Variants in ANKRD11 observed in about 807,000 individuals in gnomAD.
ANKRD11 encodes ankyrin repeat domain 11, also known as ankyrin repeat domain-containing protein 11.
Under a neutral mutation model 195.7 loss-of-function variants are expected in ANKRD11, and 17 were observed. That is an observed-to-expected ratio of 0.09 (90% CI 0.06 to 0.13). The LOEUF (loss-of-function observed/expected upper bound fraction) is 0.13, where lower values mean the gene tolerates loss of function less well. Among genes scored for constraint, ANKRD11 ranks in the 10% least tolerant of loss-of-function variants. The pLI, the probability that ANKRD11 is intolerant of heterozygous loss-of-function variation, is 1.00. For missense variants in ANKRD11, 3,735 were observed against 3,566.1 expected, an observed-to-expected ratio of 1.05 and a Z score of -1.21; for synonymous variants, 1,953 against 1,528.1, an observed-to-expected ratio of 1.28 and a Z score of -6.49.
rs1170819965 is a variant in ANKRD11 at position 89,268,682 on chromosome 16, G to A, written c.7807-19C>T. The A allele has an allele frequency of 1.3e-6, 2 of 1,571,080 alleles. No homozygotes were observed. The highest frequency in any genetic ancestry group is 1.9e-5 in the Admixed American group (1 of 52,360). On this transcript the variant is annotated intron_variant, in intron 12 of 12. Coordinates refer to ENST00000301030, the MANE Select transcript of ANKRD11 (RefSeq NM_013275.6). ...GGCAAGTCTGCGGGACACACAGCGG[G>A]GAGAGGAGGGAGGAGGAGTGAAGGG...
At chr16:89,488,551 A>G (rs1280272887) in intron 1 of ANKRD11, among the ~76,000 whole-genome samples, 1 of 151,972 alleles carries the variant, frequency 6.6e-6, no homozygotes, top group Non-Finnish European at 1.5e-5. Flanking sequence ...AATACTTACT[A>G]AGAGAAATCA....
At position 89,279,715 on chromosome 16, in the gene ANKRD11, G is replaced by A. The variant is rs573355746; in HGVS notation, c.6827C>T (p.Pro2276Leu). The A allele has an allele frequency of 2.6e-4, 395 of 1,529,942 alleles. 2 individuals carry two copies. In the African/African-American group the frequency reaches 4.4e-3, roughly 17 times the overall value. 94.8% of individuals were successfully genotyped at this position (1,529,942 alleles called of 1,614,324 possible). A position where few individuals can be genotyped will look rare whatever the true frequency, so the allele number is the denominator to read the frequency against. Reference sequence around the variant, plus strand: ...GGCCTGAGCTTGTGCCACAGTGTTCGGGGCGGGGCCGTCAGGGGCACAGAG... The same window carrying A: ...GGCCTGAGCTTGTGCCACAGTGTTCAGGGCGGGGCCGTCAGGGGCACAGAG... The part of the protein sequence containing the change: ...ASLCAPDGPA[P>L]NTVAQAQAAD... The change falls in exon 9 of 13, where the codon CCG becomes CTG. Residue 2276 changes from proline to leucine, a missense_variant. Pro to Leu is a moderately conservative substitution (Grantham distance 98). Transcript: ENST00000301030. The surrounding 1 kb of genome is among the most constrained non-coding windows in gnomAD (Gnocchi z 5.6).
chr16:89,409,438 C>A (rs1038189382), intron 2 of ANKRD11, among the ~76,000 whole-genome samples: 12 of 152,164 alleles, frequency 7.9e-5, no homozygotes, highest in African/African-American at 2.7e-4. Context: ...TCCTGTGGGT[C>A]GTCTTGTGCA....
At chr16:89,469,050 A>C (rs1449519374) in intron 1 of ANKRD11, among the ~76,000 whole-genome samples, 1 of 152,176 alleles carries the variant, frequency 6.6e-6, no homozygotes, top group South Asian at 2.1e-4. Context: ...ATCCCACAGC[A>C]AACATCATGG....
chr16:89,279,913 T>G lies in ANKRD11; in HGVS notation c.6629A>C (p.Glu2210Ala). The G allele has an allele frequency of 6.2e-7, 1 of 1,609,488 alleles. No individual in the cohort carries two copies. The highest frequency in any genetic ancestry group is 8.5e-7 in the Non-Finnish European group (1 of 1,179,508). The change falls in exon 9 of 13, where the codon GAG becomes GCG. Residue 2210 changes from glutamate (E) to alanine (A), a missense_variant. Transcript: ENST00000301030. This position sits in a 1 kb window ranked among gnomAD's most constrained non-coding sequence, Gnocchi z 5.6. Reference protein sequence around the residue: ...PAELEPEPSGEPKLDVALEAA... With the variant: ...PAELEPEPSGAPKLDVALEAA... ...TTCTAGAGCCACGTCCAGCTTTGGC[T>G]CCCCTGAGGGCTCAGGCTCGAGCTC... is the stretch of plus-strand genomic sequence containing the variant.
At chr16:89,479,618 G>T (rs2057375392) in intron 1 of ANKRD11, among the ~76,000 whole-genome samples, 1 of 142,322 alleles carries the variant, frequency 7.0e-6, no homozygotes, top group Non-Finnish European at 1.5e-5. Context: ...CTGGGCAACA[G>T]AGCGAAACTC....
intron 12 of ANKRD11, among the ~76,000 whole-genome samples, chr16:89,268,927 C>G (rs1424956267): frequency 6.6e-6 from 1 of 152,230 alleles, no homozygotes; most frequent in Non-Finnish European, 1.5e-5. Flanking sequence ...GGGGCCCTGC[C>G]CTGCTCTGGG....
chr16:89,281,305 G>C lies in ANKRD11; in HGVS notation c.5237C>G (p.Thr1746Arg), dbSNP rs561668093. 2 of 1,614,032 alleles carry C rather than the reference G, an allele frequency of 1.2e-6. No individual in the cohort carries two copies. The highest frequency in any genetic ancestry group is 3.3e-5 in the Admixed American group (2 of 60,002). ...VFDCADSQHS[T>R]PVPTAPTSAC... is the part of the protein sequence containing the mutation. Reference sequence around the variant, plus strand: ...GCTGGTGGGAGCGGTGGGCACGGGCGTGGAGTGCTGCGAGTCGGCGCAGTC... The same window carrying C: ...GCTGGTGGGAGCGGTGGGCACGGGCCTGGAGTGCTGCGAGTCGGCGCAGTC... Residue 1746 changes from threonine to arginine, a missense_variant, in exon 9 of 13, where the codon ACG becomes AGG. By Grantham distance (71) the Thr-to-Arg change is moderately conservative. Transcript: ENST00000301030. This position sits in a 1 kb window ranked among gnomAD's most constrained non-coding sequence, Gnocchi z 5.5.
chr16:89,450,922 A>G (rs74033798), intron 1 of ANKRD11, among the ~76,000 whole-genome samples: 4,382 of 152,272 alleles, frequency 0.029, 218 homozygotes, highest in African/African-American at 0.1. Context: ...CCTGGTTTCC[A>G]TGGGAAGACC....
chr16:89,302,348 G>T lies in ANKRD11; in HGVS notation c.226+2858C>A, dbSNP rs1315354954. Among the ~76,000 whole-genome samples the T allele has an allele frequency of 2.6e-5, 4 of 152,192 alleles. No individual in the cohort carries two copies. The East Asian group carries it at 7.7e-4, about 29-fold the overall frequency. ...GCTCACTGCAACCTCCACCTATTGG[G>T]TTCACGCAATTCTCCTGCCTCAGCC... On this transcript the variant is annotated intron_variant, in intron 4 of 12. Coordinates refer to ENST00000301030, the MANE Select transcript of ANKRD11 (RefSeq NM_013275.6).
intron 2 of ANKRD11, among the ~76,000 whole-genome samples, chr16:89,409,499 G>A (rs1020696846): frequency 4.6e-5 from 7 of 152,190 alleles, no homozygotes; most frequent in African/African-American, 1.7e-4. Flanking sequence ...AGGGAGATGA[G>A]CAAGACAGCT....
chr16:89,469,595 G>C (rs983597809), intron 1 of ANKRD11, among the ~76,000 whole-genome samples: 2 of 151,602 alleles, frequency 1.3e-5, no homozygotes, highest in African/African-American at 2.4e-5. Context: ...TAAAACGTAC[G>C]CAAATAAGAA....
At chr16:89,467,388 G>T (rs1031507475) in intron 1 of ANKRD11, among the ~76,000 whole-genome samples, 4 of 152,334 alleles carry the variant, frequency 2.6e-5, no homozygotes, top group Non-Finnish European at 5.9e-5. Context: ...GCTGCAGTGA[G>T]CTGTGATGGC....
At chr16:89,452,262 T>C (rs2965947) in intron 1 of ANKRD11, among the ~76,000 whole-genome samples, 78,532 of 151,260 alleles carry the variant, frequency 0.52, 20,440 homozygotes, top group Middle Eastern at 0.67. Flanking sequence ...TGTCTCAAAA[T>C]AAAACAAAAA....
intron 2 of ANKRD11, among the ~76,000 whole-genome samples, chr16:89,338,974 CA>C (rs759214114): frequency 6.0e-4 from 92 of 152,094 alleles, no homozygotes; most frequent in Non-Finnish European, 1.6e-4. Context: ...TCCTTTCCCT[CA>C]AAGTCACCAC....
intron 1 of ANKRD11, among the ~76,000 whole-genome samples, chr16:89,428,266 C>A (rs557285866): frequency 6.6e-6 from 1 of 152,162 alleles, no homozygotes; most frequent in South Asian, 2.1e-4. Flanking sequence ...TGGTTCACGC[C>A]TATAATCCCA....
chr16:89,338,823 C>A (rs1195169235), intron 2 of ANKRD11, among the ~76,000 whole-genome samples: 2 of 151,544 alleles, frequency 1.3e-5, no homozygotes, highest in African/African-American at 2.4e-5. Flanking sequence ...GAAAATCAGC[C>A]AGGCAAAACA....
intron 1 of ANKRD11, among the ~76,000 whole-genome samples, chr16:89,479,643 A>AT (rs397788329): frequency 7.1e-6 from 1 of 141,194 alleles, no homozygotes. Context: ...CCCAAAAAAA[A>AT]TTAAATTAAA....
intron 2 of ANKRD11, among the ~76,000 whole-genome samples, chr16:89,363,040 G>C (rs553189040): frequency 9.9e-5 from 15 of 151,878 alleles, no homozygotes; most frequent in Admixed American, 6.6e-4. Flanking sequence ...AACTGCTGGC[G>C]AGTGTACCCT....
Sources: gnomAD v4.1 joint callset for allele counts (sites outside exome capture counted in the v4.1 genomes callset) on GRCh38, gnomAD v4.1.1 for gene constraint, Gnocchi (gnomAD v3.1) non-coding constraint, MANE v1.5 for transcripts, NCBI Gene and HGNC (gene_info 2026-07-23, HGNC 2026-07-21) for gene names.